The following TECR variants were observed in gnomAD, a reference collection of about 807,000 sequenced individuals.
TECR encodes very-long-chain enoyl-CoA reductase.
In TECR, 19 loss-of-function variants were observed where a neutral mutation model predicts 50.6. The observed-to-expected ratio is 0.38, with a 90% confidence interval of 0.26 to 0.55. The LOEUF (loss-of-function observed/expected upper bound fraction) is 0.55, where lower values mean the gene tolerates loss of function less well. Among genes scored for constraint, TECR ranks in the 20% least tolerant of loss-of-function variants. The pLI is 0.79. For synonymous variants in TECR, 168 were observed against 163.5 expected (o/e 1.03, Z -0.21); for missense variants, 313 against 408.3 (o/e 0.77, Z 2.01).
chr19:14,561,672 C>T (rs1388531705), intron 1 of TECR, among the ~76,000 whole-genome samples: 1 of 152,158 alleles, frequency 6.6e-6, no homozygotes, highest in Non-Finnish European at 1.5e-5. Flanking sequence ...GGGGAGACCT[C>T]ATCAGCCCAA....
In TECR at chr19:14,556,142, C is replaced by A. The variant is rs142584012; in HGVS notation, c.16-6383C>A. On this transcript the variant is annotated intron_variant, in intron 1 of 12. Coordinates refer to ENST00000215567, the MANE Select transcript of TECR (RefSeq NM_138501.6). ...ACCTTTCTGCCCTCACCTCCTCCCA[C>A]TCTCTCCCTGACTCACTCTGCTCAG... 2.1e-4 allele frequency among the ~76,000 whole-genome samples: 32 copies of A among 152,326 alleles called. No homozygotes were observed. In the East Asian group the frequency reaches 6.0e-3, roughly 28 times the overall value.
In TECR at chr19:14,549,211, C is replaced by CTTT. The variant is rs561284094; in HGVS notation, c.16-13296_16-13294dup. 6.4e-3 allele frequency among the ~76,000 whole-genome samples: 708 copies of CTTT among 111,140 alleles called. 27 individuals are homozygous for CTTT. The highest frequency in any genetic ancestry group is 0.02 in the African/African-American group (542 of 27,774). 72.9% of individuals were successfully genotyped at this position (111,140 alleles called of 152,430 possible). ...ATTATTTCCACAACCTTTAATTGGA[C>CTTT]TTTTTTTTTTTTTTTTTTTTGAGAT... On this transcript the variant is annotated intron_variant, in intron 1 of 12. Coordinates refer to ENST00000215567, the MANE Select transcript of TECR (RefSeq NM_138501.6).
At chr19:14,533,112 A>T (rs2072734442) in intron 1 of TECR, among the ~76,000 whole-genome samples, 1 of 145,574 alleles carries the variant, frequency 6.9e-6, no homozygotes, top group African/African-American at 2.6e-5. Flanking sequence ...ACTCTGTTTT[A>T]AAAAAAATAA....
chr19:14,565,688 G>A (rs2074059612), intron 12 of TECR, 25 bp downstream of exon 12: 1 of 1,611,848 alleles, frequency 6.2e-7, no homozygotes, highest in Non-Finnish European at 8.5e-7. Flanking sequence ...CTCCCTCGGC[G>A]GGGCCCTGCC....
intron 1 of TECR, among the ~76,000 whole-genome samples, chr19:14,552,573 G>A (rs892511942): frequency 5.3e-4 from 76 of 144,752 alleles, no homozygotes; most frequent in South Asian, 2.3e-4. Flanking sequence ...TCGTTCTGTC[G>A]CCCAGGCTGG....
intron 1 of TECR, among the ~76,000 whole-genome samples, chr19:14,560,578 C>T (rs1234859584): frequency 2.6e-5 from 4 of 152,166 alleles, no homozygotes; most frequent in Non-Finnish European, 5.9e-5. Context: ...TTTTTCTGGC[C>T]CCTCCATGTG....
At chr19:14,534,726 C>T (rs183673471) in intron 1 of TECR, among the ~76,000 whole-genome samples, 11 of 152,166 alleles carry the variant, frequency 7.2e-5, no homozygotes, top group East Asian at 1.9e-4. Flanking sequence ...TGTGAGCCAC[C>T]GCACCTTGCC....
chr19:14,551,217 C>G (rs1371750584), intron 1 of TECR, among the ~76,000 whole-genome samples: 1 of 151,844 alleles, frequency 6.6e-6, no homozygotes, highest in Non-Finnish European at 1.5e-5. Context: ...GGATTACAGG[C>G]ACCCACCACC....
rs1338678193 is a variant in TECR at position 14,565,053 on chromosome 19, G to C, written c.607-13G>C. On this transcript the variant is annotated splice_polypyrimidine_tract_variant and intron_variant, in intron 9 of 12. Coordinates refer to ENST00000215567, the MANE Select transcript of TECR (RefSeq NM_138501.6). ...GTCTGGGCGGCCCTAGGCTGATCCT[G>C]CTTCTCTGACAGATCTGCCAGCTCG... The C allele has an allele frequency of 1.2e-6, 2 of 1,613,886 alleles. No homozygotes were observed. Among genetic ancestry groups the C allele is most frequent in the South Asian group, 1.1e-5 (1 of 91,080 alleles).
rs529358952 is a variant in TECR at position 14,558,597 on chromosome 19, C to T, written c.16-3928C>T. 8.5e-3 allele frequency among the ~76,000 whole-genome samples: 1,291 copies of T among 152,274 alleles called. 9 individuals are homozygous for T. Among genetic ancestry groups the T allele is most frequent in the Non-Finnish European group, 0.013 (918 of 68,014 alleles). Reference sequence around the variant, plus strand: ...CCGGCAGAGCCACCAGCCTGTGCCCCAGGCCAGAGTGCCTGCCTGTCTGCC... The same window carrying T: ...CCGGCAGAGCCACCAGCCTGTGCCCTAGGCCAGAGTGCCTGCCTGTCTGCC... On this transcript the variant is annotated intron_variant, in intron 1 of 12. Transcript: ENST00000215567.
At chr19:14,557,790 C>G (rs913899469) in intron 1 of TECR, among the ~76,000 whole-genome samples, 1 of 150,204 alleles carries the variant, frequency 6.7e-6, no homozygotes, top group African/African-American at 2.5e-5. Flanking sequence ...GAGTCTTGCT[C>G]TGTCGCCCAG....
chr19:14,551,942 C>T (rs202049033), intron 1 of TECR, among the ~76,000 whole-genome samples: 1 of 68,174 alleles, frequency 1.5e-5, no homozygotes, highest in Non-Finnish European at 3.0e-5. Context: ...TCTCTCCCTC[C>T]CTCCCTCTCT....
intron 1 of TECR, 148 bp downstream of exon 1, chr19:14,529,859 G>A: frequency 5.4e-6 from 6 of 1,109,622 alleles, no homozygotes; most frequent in East Asian, 2.5e-5. Flanking sequence ...TGCGCCCCGG[G>A]CCACTCGTAA....
At chr19:14,547,159 T>C (rs1025747455) in intron 1 of TECR, among the ~76,000 whole-genome samples, 2 of 152,166 alleles carry the variant, frequency 1.3e-5, no homozygotes, top group African/African-American at 4.8e-5. Flanking sequence ...TCTTATTTTT[T>C]TTTAAAGGGA....
chr19:14,542,374 T>TTTTTTTTTTTTTC (rs1469315066), intron 1 of TECR, among the ~76,000 whole-genome samples: 1 of 117,182 alleles, frequency 8.5e-6, no homozygotes, highest in African/African-American at 3.3e-5. Flanking sequence ...TTTTTTTTTT[T>TTTTTTTTTTTTTC]TTCTGAGATG....
At chr19:14,542,347 G>GGTTTTTTT (rs2073124658) in intron 1 of TECR, among the ~76,000 whole-genome samples, 26 of 43,298 alleles carry the variant, frequency 6.0e-4, no homozygotes, top group Middle Eastern at 0.021. Flanking sequence ...ATGCCATAGT[G>GGTTTTTTT]TTTTTTTTTT....
Position 14,563,408 on chromosome 19 carries a change from CT to C in TECR, c.118+152del. The stretch of plus-strand genomic sequence containing the variant: ...TCTGGGGCGTGACTGGGGCAGGCGC[CT>C]CCACGTGGCACTCCGCAGGAACGCC... On this transcript the variant is annotated intron_variant, in intron 3 of 12. Transcript: ENST00000215567. The surrounding 1 kb of genome is among the most constrained non-coding windows in gnomAD (Gnocchi z 5.3). 1.2e-6 allele frequency: 1 copy of C among 864,544 alleles called. No individual in the cohort carries two copies. The highest frequency in any genetic ancestry group is 1.7e-5 in the African/African-American group (1 of 59,354). The allele number at this position is 864,544 out of a possible 1,614,324, so 53.6% of individuals were successfully genotyped here. A position where few individuals can be genotyped will look rare whatever the true frequency, so the allele number is the denominator to read the frequency against.
chr19:14,564,756 A>T, intron 7 of TECR, 30 bp from the exon 8 acceptor site: 1 of 1,597,178 alleles, frequency 6.3e-7, no homozygotes, highest in Non-Finnish European at 8.5e-7. Flanking sequence ...GTGCTGGCCC[A>T]AGTCCCATCC....
At chr19:14,544,239 A>G (rs1451045155) in intron 1 of TECR, among the ~76,000 whole-genome samples, 1 of 151,174 alleles carries the variant, frequency 6.6e-6, no homozygotes, top group Non-Finnish European at 1.5e-5. Context: ...TTGTCACCTC[A>G]TGTTTGAGTT....
Sources: gnomAD v4.1 joint callset for allele counts (sites outside exome capture counted in the v4.1 genomes callset) on GRCh38, gnomAD v4.1.1 for gene constraint, Gnocchi (gnomAD v3.1) non-coding constraint, MANE v1.5 for transcripts, NCBI Gene and HGNC (gene_info 2026-07-23, HGNC 2026-07-21) for gene names.